Variants in KIF26B observed in about 807,000 individuals in gnomAD.
The protein encoded by KIF26B is kinesin-like protein KIF26B.
KIF26B carries 63 observed loss-of-function variants against 151.2 expected under a neutral mutation model. That is an observed-to-expected ratio of 0.42 (90% CI 0.34 to 0.51). The LOEUF (loss-of-function observed/expected upper bound fraction) is 0.51, where lower values mean the gene tolerates loss of function less well. KIF26B is among the 20% of genes least tolerant of loss of function. The probability of loss-of-function intolerance (pLI) is 0.07; values close to 1 mark genes in which losing one functional copy is unlikely to be tolerated. For synonymous variants in KIF26B, 1,357 were observed against 1,262.1 expected (o/e 1.08, Z -1.59); for missense variants, 2,813 against 2,913.6 (o/e 0.97, Z 0.79).
rs1253728371 is a variant in KIF26B, at chr1:245,703,120, G to C, written c.*514G>C. 1 of 153,438 alleles carries C rather than the reference G, an allele frequency of 6.5e-6. No homozygotes were observed. Among genetic ancestry groups the C allele is most frequent in the Non-Finnish European group, 1.5e-5 (1 of 68,648 alleles). 9.5% of individuals were successfully genotyped at this position (153,438 alleles called of 1,614,324 possible). Reference sequence around the variant, plus strand: ...CAAAACAAACAAGAAAAACATTTTGGAAATGTATTCACAGCTCTTTTTCTC... The same window carrying C: ...CAAAACAAACAAGAAAAACATTTTGCAAATGTATTCACAGCTCTTTTTCTC... On this transcript the variant is annotated 3_prime_UTR_variant, in exon 15 of 15. Transcript: ENST00000407071.
At chr1:245,256,405 C>T (rs1670534998) in intron 2 of KIF26B, among the ~76,000 whole-genome samples, 1 of 152,162 alleles carries the variant, frequency 6.6e-6, no homozygotes, top group Admixed American at 6.5e-5. Flanking sequence ...CTTCATCTTC[C>T]CTGAGTCCAA....
At chr1:245,448,588 C>T (rs12564551) in intron 4 of KIF26B, among the ~76,000 whole-genome samples, 32,176 of 152,072 alleles carry the variant, frequency 0.21, 3,840 homozygotes, top group East Asian at 0.29. Context: ...AAGGACTAAT[C>T]TTAGTAGGAA....
chr1:245,257,040 T>C (rs1165759951), intron 2 of KIF26B, among the ~76,000 whole-genome samples: 1 of 152,218 alleles, frequency 6.6e-6, no homozygotes, highest in Admixed American at 6.5e-5. Context: ...CAAAGCCTGC[T>C]ACCTGGAGGC....
At chr1:245,483,291 T>C (rs1234160461) in intron 4 of KIF26B, among the ~76,000 whole-genome samples, 3 of 151,846 alleles carry the variant, frequency 2.0e-5, no homozygotes, top group Admixed American at 6.6e-5. Flanking sequence ...ACCATTTTCA[T>C]CCTCACGGGT....
At chr1:245,291,694 T>G (rs529843320) in intron 2 of KIF26B, among the ~76,000 whole-genome samples, 1 of 152,208 alleles carries the variant, frequency 6.6e-6, no homozygotes, top group East Asian at 2.0e-4. Context: ...AAATGGATGT[T>G]TGACTAGAAA....
At chr1:245,612,645 C>T (rs1383952285) in intron 9 of KIF26B, among the ~76,000 whole-genome samples, 2 of 152,194 alleles carry the variant, frequency 1.3e-5, no homozygotes, top group Non-Finnish European at 1.5e-5. Flanking sequence ...TCAAGAAAGA[C>T]CAACATTTAT....
At chr1:245,269,753 G>A (rs546149110) in intron 2 of KIF26B, among the ~76,000 whole-genome samples, 3 of 151,822 alleles carry the variant, frequency 2.0e-5, no homozygotes, top group East Asian at 1.9e-4. Context: ...GTGAGCCACC[G>A]CACCTGCCCC....
intron 12 of KIF26B, among the ~76,000 whole-genome samples, chr1:245,692,133 T>G (rs1195541759): frequency 6.6e-6 from 1 of 152,212 alleles, no homozygotes; most frequent in African/African-American, 2.4e-5. Flanking sequence ...TAGAGCAATC[T>G]GTAGTCAGTG....
At chr1:245,382,084 C>T (rs926355824) in intron 3 of KIF26B, among the ~76,000 whole-genome samples, 1 of 152,074 alleles carries the variant, frequency 6.6e-6, no homozygotes, top group Non-Finnish European at 1.5e-5. Flanking sequence ...TGGATATATC[C>T]AGAAGTAGAA....
intron 5 of KIF26B, among the ~76,000 whole-genome samples, chr1:245,565,445 C>T (rs1412198043): frequency 4.6e-5 from 7 of 152,058 alleles, no homozygotes; most frequent in East Asian, 1.9e-4. Flanking sequence ...TGCACCACCA[C>T]GCCCAGCTAA....
chr1:245,405,214 A>T (rs1674105371), intron 3 of KIF26B, among the ~76,000 whole-genome samples: 1 of 152,216 alleles, frequency 6.6e-6, no homozygotes, highest in Non-Finnish European at 1.5e-5. Flanking sequence ...CTGGACATGT[A>T]GGAATGATGT....
intron 4 of KIF26B, among the ~76,000 whole-genome samples, chr1:245,493,901 G>T (rs577850017): frequency 1.3e-5 from 2 of 152,160 alleles, no homozygotes; most frequent in Non-Finnish European, 2.9e-5. Context: ...TACTCCAGTC[G>T]TTGTCCCCTT....
At chr1:245,511,008 G>T in intron 4 of KIF26B, 1 of 693,876 alleles carries the variant, frequency 1.4e-6, no homozygotes, top group Non-Finnish European at 2.7e-6. Flanking sequence ...TTTCTCCTGA[G>T]ATGGCCCCAG....
At chr1:245,312,473 G>A (rs1671682149) in intron 2 of KIF26B, among the ~76,000 whole-genome samples, 2 of 152,218 alleles carry the variant, frequency 1.3e-5, no homozygotes, top group South Asian at 2.1e-4. Flanking sequence ...GAGAGGAGGG[G>A]AGCTTAAAAC....
intron 2 of KIF26B, among the ~76,000 whole-genome samples, chr1:245,237,189 G>A (rs137899031): frequency 2.4e-4 from 36 of 152,206 alleles, no homozygotes; most frequent in African/African-American, 7.0e-4. Context: ...CCCTGGTGGC[G>A]TGTCCTTTGC....
chr1:245,288,666 G>A (rs957464800), intron 2 of KIF26B, among the ~76,000 whole-genome samples: 1 of 152,224 alleles, frequency 6.6e-6, no homozygotes, highest in Non-Finnish European at 1.5e-5. Context: ...GTCTAAATGA[G>A]TTGATTCTAC....
chr1:245,343,085 C>CAA (rs11377283), intron 2 of KIF26B, among the ~76,000 whole-genome samples: 9,858 of 131,438 alleles, frequency 0.075, 582 homozygotes, highest in Admixed American at 0.19. Flanking sequence ...GACTCCATCT[C>CAA]AAAAAAAAAA....
At chr1:245,635,049 G>T (rs887698291) in intron 9 of KIF26B, among the ~76,000 whole-genome samples, 1 of 148,552 alleles carries the variant, frequency 6.7e-6, no homozygotes, top group Non-Finnish European at 1.5e-5. Context: ...ATTTTATTTA[G>T]AATTTTTTTG....
chr1:245,559,295 T>C (rs1481896927), intron 5 of KIF26B, among the ~76,000 whole-genome samples: 1 of 152,204 alleles, frequency 6.6e-6, no homozygotes. Flanking sequence ...CCTGTGATTG[T>C]ACCACTGCAC....
Sources: allele counts gnomAD v4.1 joint callset (sites outside exome capture counted in the v4.1 genomes callset), GRCh38; gene constraint gnomAD v4.1.1; transcripts MANE v1.5; gene names NCBI Gene and HGNC (gene_info 2026-07-23, HGNC 2026-07-21).